SYNE3: variants seen among roughly 807,000 people sequenced by gnomAD.
The protein encoded by SYNE3 is spectrin repeat containing nuclear envelope family member 3.
A neutral mutation model predicts 111.2 loss-of-function variants in SYNE3; 100 were observed. The ratio of observed to expected loss-of-function variants is 0.90; its 90% CI spans 0.77 to 1.06. The LOEUF is 1.06. Ranked by LOEUF, SYNE3 falls within the 50% of genes least tolerant of loss-of-function variation. The pLI is 0.00. For synonymous variants in SYNE3, 547 were observed against 533.9 expected, an observed-to-expected ratio of 1.02 and a Z score of -0.34; for missense variants, 1,160 against 1,240.3, an observed-to-expected ratio of 0.94 and a Z score of 0.97.
rs562283482 is a variant in SYNE3 at position 95,500,151 on chromosome 14, C to T, written c.-15+16445G>A. On this transcript the variant is annotated intron_variant, in intron 1 of 17. Coordinates refer to ENST00000682763, the MANE Select transcript of SYNE3 (RefSeq NM_152592.6). The surrounding 1 kb of genome is among the most constrained non-coding windows in gnomAD (Gnocchi z 4.7). ...CTGGGATTAAAGGCGTGAGCCACTG[C>T]GCCCGGCCTACCTCCTGTCTTATAT... is the stretch of plus-strand genomic sequence containing the variant. 4.6e-5 allele frequency among the ~76,000 whole-genome samples: 7 copies of T among 152,276 alleles called. No individual in the cohort carries two copies. In the South Asian group the frequency reaches 6.2e-4, roughly 14 times the overall value.
chr14:95,416,663 G>C lies in SYNE3; in HGVS notation c.*1163C>G, dbSNP rs1460389288. On this transcript the variant is annotated 3_prime_UTR_variant, in exon 18 of 18. Transcript: ENST00000682763. ...GGCCTGGGCCCTAGTCCCATATGGG[G>C]ATGCACATGAGACCTTCTTGGCCCC... 6.6e-6 allele frequency: 1 copy of C among 152,278 alleles called. No individual in the cohort carries two copies. The highest frequency in any genetic ancestry group is 1.5e-5 in the Non-Finnish European group (1 of 68,090). 9.4% of individuals were successfully genotyped at this position (152,278 alleles called of 1,614,324 possible). A position where few individuals can be genotyped will look rare whatever the true frequency, so the allele number is the denominator to read the frequency against.
chr14:95,513,772 T>TATATATATATATATATATATA (rs56006428), intron 1 of SYNE3, among the ~76,000 whole-genome samples: 8 of 131,968 alleles, frequency 6.1e-5, no homozygotes, highest in African/African-American at 1.1e-4. Context: ...TATATATATA[T>TATATATATATATATATATATA]TCAGAATCCA....
chr14:95,457,407 G>T, intron 4 of SYNE3, 69 bp from the exon 5 acceptor site: 1 of 1,564,200 alleles, frequency 6.4e-7, no homozygotes. Context: ...CAGAAAGCCC[G>T]TAGCCTGCCT....
intron 1 of SYNE3, among the ~76,000 whole-genome samples, chr14:95,482,374 C>T (rs1889314088): frequency 2.0e-5 from 3 of 152,146 alleles, no homozygotes; most frequent in Admixed American, 1.3e-4. Context: ...GCAGAGGTTG[C>T]ACTGAGAAGA....
At chr14:95,426,776 C>T (rs1030074249) in intron 17 of SYNE3, among the ~76,000 whole-genome samples, 2 of 151,368 alleles carry the variant, frequency 1.3e-5, no homozygotes, top group African/African-American at 2.4e-5. Flanking sequence ...CACGTCTCTA[C>T]TAAAAATACA....
intron 6 of SYNE3, among the ~76,000 whole-genome samples, chr14:95,453,337 A>G (rs528613036): frequency 2.0e-5 from 3 of 152,206 alleles, no homozygotes; most frequent in East Asian, 3.9e-4. Context: ...CCGATCCTCC[A>G]TTCACAGGGA....
rs1889273289 is a variant in SYNE3 at position 95,481,795 on chromosome 14, C to T, written c.-14-5960G>A. 2.6e-5 allele frequency among the ~76,000 whole-genome samples: 4 copies of T among 152,222 alleles called. No homozygotes were observed. The South Asian group carries it at 8.3e-4, about 32-fold the overall frequency. On this transcript the variant is annotated intron_variant, in intron 1 of 17. Coordinates refer to ENST00000682763, the MANE Select transcript of SYNE3 (RefSeq NM_152592.6). ...CATCTGGACACCAGCTCCCTTTGCC[C>T]GATTCCAGGCCTGAAAGCAATTGGC...
At chr14:95,460,211 T>A (rs1003418936) in intron 4 of SYNE3, among the ~76,000 whole-genome samples, 1 of 151,970 alleles carries the variant, frequency 6.6e-6, no homozygotes, top group African/African-American at 2.4e-5. Context: ...CTAGTTTTAT[T>A]TTTTATTTTT....
chr14:95,423,121 T>C (rs924700357), intron 17 of SYNE3, among the ~76,000 whole-genome samples: 3 of 152,074 alleles, frequency 2.0e-5, no homozygotes, highest in African/African-American at 7.2e-5. Context: ...CTCACTGGGG[T>C]GGCTCTGCGT....
Position 95,417,461 on chromosome 14 carries a change from T to C in SYNE3, c.*365A>G. ...ATGTTATTGTTCTTGCTTTCTAGGG[T>C]TGACTGCAGACCAAGTCAACAATAC... On this transcript the variant is annotated 3_prime_UTR_variant, in exon 18 of 18. Coordinates refer to ENST00000682763, the MANE Select transcript of SYNE3 (RefSeq NM_152592.6). 1 of 291,812 alleles carries C rather than the reference T, an allele frequency of 3.4e-6. No individual in the cohort carries two copies. Among genetic ancestry groups the C allele is most frequent in the South Asian group, 4.1e-5 (1 of 24,572 alleles). The allele number at this position is 291,812 out of a possible 1,614,324, so 18.1% of individuals were successfully genotyped here.
intron 10 of SYNE3, 193 bp downstream of exon 10, chr14:95,444,292 T>C (rs1427813552): frequency 1.5e-6 from 1 of 654,174 alleles, no homozygotes; most frequent in Non-Finnish European, 2.4e-6. Context: ...CAAGACTCAG[T>C]TGTTTGAGGT....
intron 5 of SYNE3, among the ~76,000 whole-genome samples, chr14:95,456,840 T>A (rs1207334467): frequency 6.6e-6 from 1 of 152,110 alleles, no homozygotes; most frequent in African/African-American, 2.4e-5. Context: ...ATCGCAGCAC[T>A]TTGGGAGCCC....
chr14:95,501,713 AGGGAAGGGCAT>A (rs144854493), intron 1 of SYNE3, among the ~76,000 whole-genome samples: 6,718 of 152,248 alleles, frequency 0.044, 469 homozygotes, highest in African/African-American at 0.15. Flanking sequence ...TGGCCACAGG[AGGGAAGGGCAT>A]GGGGGGAAGC....
At chr14:95,477,211 T>C (rs8020368) in intron 1 of SYNE3, among the ~76,000 whole-genome samples, 84,601 of 152,104 alleles carry the variant, frequency 0.56, 23,978 homozygotes, top group African/African-American at 0.67. Context: ...AAGGCCAGGA[T>C]GTCTTGCCAT....
At chr14:95,481,729 C>T (rs1889267682) in intron 1 of SYNE3, among the ~76,000 whole-genome samples, 1 of 152,336 alleles carries the variant, frequency 6.6e-6, no homozygotes, top group East Asian at 1.9e-4. Context: ...GGCCCCCAGG[C>T]CAGGGCTGCC....
intron 8 of SYNE3, chr14:95,449,503 T>C: frequency 1.0e-6 from 1 of 985,452 alleles, no homozygotes; most frequent in East Asian, 1.1e-4. Context: ...GGCTTAGAAC[T>C]ACAAAGGGCT....
In SYNE3 at chr14:95,465,016, A is replaced by C. The variant is rs1546991; in HGVS notation, c.627+915T>G. ...GGGAGACATAATACAGAACCAAATAAAATTTCTAACAAATGTAATTGAACT... is the reference window on the plus strand; with the variant it reads ...GGGAGACATAATACAGAACCAAATACAATTTCTAACAAATGTAATTGAACT... On this transcript the variant is annotated intron_variant, in intron 4 of 17. Transcript: ENST00000682763. 2.9e-3 allele frequency among the ~76,000 whole-genome samples: 438 copies of C among 152,370 alleles called. 2 individuals carry two copies. Among genetic ancestry groups the C allele is most frequent in the Non-Finnish European group, 4.5e-3 (305 of 68,028 alleles).
At chr14:95,479,224 C>CAAAAAAAAAAAAAAA (rs71132351) in intron 1 of SYNE3, among the ~76,000 whole-genome samples, 1 of 86,300 alleles carries the variant, frequency 1.2e-5, no homozygotes, top group African/African-American at 4.5e-5. Context: ...TCGTCTCTAC[C>CAAAAAAAAAAAAAAA]AAAAAAAAAA....
At chr14:95,426,751 C>T (rs1289083674) in intron 17 of SYNE3, among the ~76,000 whole-genome samples, 1 of 151,640 alleles carries the variant, frequency 6.6e-6, no homozygotes, top group Non-Finnish European at 1.5e-5. Context: ...ACCATCCTGG[C>T]TAACACAGTG....
Sources: allele counts gnomAD v4.1 joint callset (sites outside exome capture counted in the v4.1 genomes callset), GRCh38; gene constraint gnomAD v4.1.1; non-coding constraint Gnocchi (gnomAD v3.1); transcripts MANE v1.5; gene names NCBI Gene and HGNC (gene_info 2026-07-23, HGNC 2026-07-21).